The following DGAT1 variants were observed in gnomAD, a reference collection of about 807,000 sequenced individuals.
DGAT1 encodes diacylglycerol O-acyltransferase 1.
A neutral mutation model predicts 72.6 loss-of-function variants in DGAT1; 60 were observed. The observed-to-expected ratio is 0.83, with a 90% CI of 0.67 to 1.02. The LOEUF (loss-of-function observed/expected upper bound fraction) is 1.02, where lower values mean the gene tolerates loss of function less well. DGAT1 is among the 50% of genes least tolerant of loss of function. DGAT1 has a pLI of 0.00. For synonymous variants in DGAT1, 290 were observed against 267.5 expected, an observed-to-expected ratio of 1.08 and a Z score of -0.82; for missense variants, 592 against 670.0, an observed-to-expected ratio of 0.88 and a Z score of 1.29.
At chr8:144,319,121 C>T in intron 2 of DGAT1, 53 bp from the exon 3 acceptor site, 1 of 1,545,586 alleles carries the variant, frequency 6.5e-7, no homozygotes, top group South Asian at 1.2e-5. Flanking sequence ...CCACAGGGTA[C>T]TCACCCCAGA....
chr8:144,325,329 G>C (rs1173726014), intron 1 of DGAT1, among the ~76,000 whole-genome samples: 1 of 152,158 alleles, frequency 6.6e-6, no homozygotes, highest in African/African-American at 2.4e-5. Flanking sequence ...CCTGACTCTC[G>C]CTGAGGTTAT....
rs888837343 is a variant in DGAT1, at chr8:144,315,218, G to T, written c.*1336C>A. On this transcript the variant is annotated 3_prime_UTR_variant, in exon 17 of 17. Coordinates refer to ENST00000528718, the MANE Select transcript of DGAT1 (RefSeq NM_012079.6). ...CCAACTGATAGGGAGAGGCACAGGA[G>T]CCCATGTGGGATGGAGGAGTCGGCC... 15 of 985,564 alleles carry T rather than the reference G, an allele frequency of 1.5e-5. No individual in the cohort carries two copies. Among genetic ancestry groups the T allele is most frequent in the Non-Finnish European group, 1.8e-5 (15 of 830,008 alleles). The allele number at this position is 985,564 out of a possible 1,614,324, so 61.1% of individuals were successfully genotyped here. A position where few individuals can be genotyped will look rare whatever the true frequency, so the allele number is the denominator to read the frequency against.
At chr8:144,324,753 C>T (rs1817551823) in intron 1 of DGAT1, among the ~76,000 whole-genome samples, 1 of 151,836 alleles carries the variant, frequency 6.6e-6, no homozygotes, top group South Asian at 2.1e-4. Flanking sequence ...CTGGGACTAC[C>T]CTCATCTCAC....
rs1256798341 is a variant in DGAT1, at chr8:144,326,325, T to A, written c.200+112A>T. 9.6e-6 allele frequency: 10 copies of A among 1,036,462 alleles called. No homozygotes were observed. The African/African-American group carries it at 1.7e-4, about 17-fold the overall frequency. 64.2% of individuals were successfully genotyped at this position (1,036,462 alleles called of 1,614,324 possible). ...CCACAGGGCCCATAGGGCACACCGA[T>A]CCCCGCTTAGCCCAGGGCCCATGTT... On this transcript the variant is annotated intron_variant, in intron 1 of 16. Transcript: ENST00000528718.
rs138544972 is a variant in DGAT1, at chr8:144,315,005, C to T, written c.*1549G>A. ...GGTGTTCGCACTCGGACAGGTGATG[C>T]GGGGCGGGCACACTGTCTTTCTGCC... On this transcript the variant is annotated 3_prime_UTR_variant, in exon 17 of 17. Coordinates refer to ENST00000528718, the MANE Select transcript of DGAT1 (RefSeq NM_012079.6). The T allele has an allele frequency of 1.1e-5, 11 of 985,694 alleles. No individual in the cohort carries two copies. Among genetic ancestry groups the T allele is most frequent in the Middle Eastern group, 5.2e-4 (1 of 1,914 alleles). 61.1% of individuals were successfully genotyped at this position (985,694 alleles called of 1,614,324 possible). A position where few individuals can be genotyped will look rare whatever the true frequency, so the allele number is the denominator to read the frequency against.
intron 1 of DGAT1, among the ~76,000 whole-genome samples, chr8:144,325,974 G>C (rs1817583633): frequency 6.6e-6 from 1 of 152,046 alleles, no homozygotes; most frequent in African/African-American, 2.4e-5. Context: ...ACAGGCCTGG[G>C]CTCCTCTGGC....
chr8:144,318,676 C>CGG (rs1564631823), intron 5 of DGAT1, 23 bp downstream of exon 5: 1 of 1,608,510 alleles, frequency 6.2e-7, no homozygotes, highest in South Asian at 1.1e-5. Context: ...TGAGCACACA[C>CGG]GGAGGTGAGG....
intron 1 of DGAT1, among the ~76,000 whole-genome samples, chr8:144,323,763 GC>G (rs1817523274): frequency 6.6e-6 from 1 of 152,142 alleles, no homozygotes; most frequent in Non-Finnish European, 1.5e-5. Flanking sequence ...ATGCCCACCC[GC>G]CACCCTGTCT....
Position 144,315,488 on chromosome 8 carries a change from G to A in DGAT1, c.*1066C>T, listed in dbSNP as rs1013017072. ...TTGTTGGGCCATAGCTGCAGGTCTG[G>A]GGACACCAGGGCCTGGTCCAGTCTT... On this transcript the variant is annotated 3_prime_UTR_variant, in exon 17 of 17. Coordinates refer to ENST00000528718, the MANE Select transcript of DGAT1 (RefSeq NM_012079.6). 4.2e-5 allele frequency: 41 copies of A among 985,590 alleles called. No homozygotes were observed. In the African/African-American group the frequency reaches 6.6e-4, roughly 16 times the overall value. 61.1% of individuals were successfully genotyped at this position (985,590 alleles called of 1,614,324 possible).
rs550334087 is a variant in DGAT1 at position 144,323,432 on chromosome 8, C to A, written c.201-2024G>T. ...CCCACTGCGCTACCCCTACCCCTCA[C>A]AGGCCCCCATGAGGAGGAAGCCCCA... On this transcript the variant is annotated intron_variant, in intron 1 of 16. Transcript: ENST00000528718. 1.3e-4 allele frequency among the ~76,000 whole-genome samples: 20 copies of A among 152,200 alleles called. 1 individual carries two copies. The highest frequency in any genetic ancestry group is 4.6e-4 in the African/African-American group (19 of 41,516).
At chr8:144,322,960 G>A (rs1554848348) in intron 1 of DGAT1, among the ~76,000 whole-genome samples, 1 of 152,188 alleles carries the variant, frequency 6.6e-6, no homozygotes, top group Non-Finnish European at 1.5e-5. Context: ...AGGAGGCTGG[G>A]TGTAGACACC....
In DGAT1 at chr8:144,315,033, A is replaced by T; in HGVS notation, c.*1521T>A. Reference sequence around the variant, plus strand: ...GGCGGGCACACTGTCTTTCTGCCAGAGCCAGCACCCTGTGTAGGCACGGGG... The same window carrying T: ...GGCGGGCACACTGTCTTTCTGCCAGTGCCAGCACCCTGTGTAGGCACGGGG... On this transcript the variant is annotated 3_prime_UTR_variant, in exon 17 of 17. Transcript: ENST00000528718. The T allele has an allele frequency of 1.0e-6, 1 of 985,556 alleles. No homozygotes were observed. The highest frequency in any genetic ancestry group is 1.2e-6 in the Non-Finnish European group (1 of 830,076). 61.1% of individuals were successfully genotyped at this position (985,556 alleles called of 1,614,324 possible).
chr8:144,325,266 C>T (rs1817569929), intron 1 of DGAT1, among the ~76,000 whole-genome samples: 1 of 152,040 alleles, frequency 6.6e-6, no homozygotes, highest in African/African-American at 2.4e-5. Flanking sequence ...CACCCTCCTC[C>T]CCACGGCCCC....
chr8:144,316,709 T>A lies in DGAT1; in HGVS notation c.1312A>T (p.Ile438Phe). The A allele has an allele frequency of 6.2e-7, 1 of 1,611,212 alleles. No homozygotes were observed. Among genetic ancestry groups the A allele is most frequent in the Non-Finnish European group, 8.5e-7 (1 of 1,179,070 alleles). The change falls in exon 17 of 17, where the codon ATC becomes TTC. Residue 438 changes from isoleucine (I) to phenylalanine (F), a missense_variant and splice_region_variant. Physicochemically the swap from Ile to Phe is conservative, Grantham distance 21. Transcript: ENST00000528718. ...LWAFTGMMAQ[I>F]PLAWFVGRFF... ...CGGCCCACGAACCAGGCCAGTGGGA[T>A]CTAGGGAGTGAGGGGCCAAGTCAGT...
At position 144,316,249 on chromosome 8, in the gene DGAT1, A is replaced by C; in HGVS notation, c.*305T>G. ...GGCACTCGCCCTTGTGGGTGTGGCC[A>C]TACCCCCCACCAGGCCCCAGGCCCC... On this transcript the variant is annotated 3_prime_UTR_variant, in exon 17 of 17. Coordinates refer to ENST00000528718, the MANE Select transcript of DGAT1 (RefSeq NM_012079.6). The C allele has an allele frequency of 2.7e-6, 1 of 365,010 alleles. No individual in the cohort carries two copies. Among genetic ancestry groups the C allele is most frequent in the Admixed American group, 4.4e-5 (1 of 22,976 alleles). 22.6% of individuals were successfully genotyped at this position (365,010 alleles called of 1,614,324 possible). A position where few individuals can be genotyped will look rare whatever the true frequency, so the allele number is the denominator to read the frequency against.
chr8:144,322,791 C>A (rs1243434702), intron 1 of DGAT1, among the ~76,000 whole-genome samples: 1 of 152,142 alleles, frequency 6.6e-6, no homozygotes, highest in Admixed American at 6.5e-5. Flanking sequence ...CCAGCCTGAG[C>A]GCCCTGCATC....
Position 144,315,875 on chromosome 8 carries a change from C to A in DGAT1, c.*679G>T. 3 of 985,698 alleles carry A rather than the reference C, an allele frequency of 3.0e-6. No homozygotes were observed. The highest frequency in any genetic ancestry group is 3.6e-6 in the Non-Finnish European group (3 of 830,134). The allele number at this position is 985,698 out of a possible 1,614,324, so 61.1% of individuals were successfully genotyped here. A position where few individuals can be genotyped will look rare whatever the true frequency, so the allele number is the denominator to read the frequency against. ...ACATAGCCATTGTGTACCGTAGCCCCTCGGCTCACCAGACCCACACCAGAA... is the reference window on the plus strand; with the variant it reads ...ACATAGCCATTGTGTACCGTAGCCCATCGGCTCACCAGACCCACACCAGAA... On this transcript the variant is annotated 3_prime_UTR_variant, in exon 17 of 17. Coordinates refer to ENST00000528718, the MANE Select transcript of DGAT1 (RefSeq NM_012079.6).
intron 1 of DGAT1, among the ~76,000 whole-genome samples, chr8:144,325,288 C>T (rs1273450833): frequency 2.0e-5 from 3 of 152,072 alleles, no homozygotes; most frequent in African/African-American, 7.2e-5. Context: ...TCAAGGCCTC[C>T]GTGCCCGACC....
At position 144,314,979 on chromosome 8, in the gene DGAT1, A is replaced by C. The variant is rs1179582349; in HGVS notation, c.*1575T>G. Reference sequence around the variant, plus strand: ...AGGACCACCAGGAACCCCCTTCCCAAGGTGTTCGCACTCGGACAGGTGATG... The same window carrying C: ...AGGACCACCAGGAACCCCCTTCCCACGGTGTTCGCACTCGGACAGGTGATG... On this transcript the variant is annotated 3_prime_UTR_variant, in exon 17 of 17. Coordinates refer to ENST00000528718, the MANE Select transcript of DGAT1 (RefSeq NM_012079.6). The C allele has an allele frequency of 5.1e-6, 5 of 985,782 alleles. No individual in the cohort carries two copies. Among genetic ancestry groups the C allele is most frequent in the Non-Finnish European group, 4.8e-6 (4 of 830,264 alleles). 61.1% of individuals were successfully genotyped at this position (985,782 alleles called of 1,614,324 possible). A position where few individuals can be genotyped will look rare whatever the true frequency, so the allele number is the denominator to read the frequency against.
Sources: allele counts gnomAD v4.1 joint callset (sites outside exome capture counted in the v4.1 genomes callset), GRCh38; gene constraint gnomAD v4.1.1; transcripts MANE v1.5; gene names NCBI Gene and HGNC (gene_info 2026-07-23, HGNC 2026-07-21).